PDE3B: variants seen among roughly 807,000 people sequenced by gnomAD.
PDE3B encodes the protein phosphodiesterase 3B.
In PDE3B, 66 loss-of-function variants were observed where a neutral mutation model predicts 116.8. That is an observed-to-expected ratio of 0.56 (90% CI 0.46 to 0.69). The LOEUF (loss-of-function observed/expected upper bound fraction) is 0.69, where lower values mean the gene tolerates loss of function less well. PDE3B is among the 30% of genes least tolerant of loss of function. The pLI is 0.00. For synonymous variants in PDE3B, 595 were observed against 533.6 expected (o/e 1.12, Z -1.59); for missense variants, 1,384 against 1,368.1 (o/e 1.01, Z -0.18).
At chr11:14,810,932 T>C (rs1350081803) in intron 5 of PDE3B, among the ~76,000 whole-genome samples, 17 of 149,554 alleles carry the variant, frequency 1.1e-4, no homozygotes, top group Non-Finnish European at 2.5e-4. Flanking sequence ...TGATGAGCAT[T>C]TTTTCATGTG....
chr11:14,873,346 T>C (rs144943121), downstream of PDE3B, among the ~76,000 whole-genome samples: 330 of 152,306 alleles, frequency 2.2e-3, 1 homozygote, highest in African/African-American at 7.4e-3. Context: ...AACTAATTTG[T>C]TGTTAATTTT....
chr11:14,696,415 A>G (rs1318442456), intron 1 of PDE3B, among the ~76,000 whole-genome samples: 1 of 152,154 alleles, frequency 6.6e-6, no homozygotes, highest in Non-Finnish European at 1.5e-5. Context: ...ACCCAAAAGC[A>G]TTAGGTGAGA....
intron 4 of PDE3B, among the ~76,000 whole-genome samples, chr11:14,794,600 C>T (rs551059615): frequency 6.6e-6 from 1 of 152,332 alleles, no homozygotes. Context: ...AGGCATGAGA[C>T]ACCATGCCCA....
intron 2 of PDE3B, among the ~76,000 whole-genome samples, chr11:14,782,645 A>G (rs1052769106): frequency 3.9e-5 from 6 of 152,182 alleles, no homozygotes; most frequent in Non-Finnish European, 5.9e-5. Flanking sequence ...TAGACCTAAA[A>G]CCGTAAAAAC....
intron 5 of PDE3B, among the ~76,000 whole-genome samples, chr11:14,804,545 A>C (rs1433846779): frequency 6.6e-6 from 1 of 152,142 alleles, no homozygotes; most frequent in South Asian, 2.1e-4. Flanking sequence ...TAGCAAAGCA[A>C]TACTGATATT....
At chr11:14,663,279 G>A (rs1428680616) in intron 1 of PDE3B, among the ~76,000 whole-genome samples, 1 of 152,060 alleles carries the variant, frequency 6.6e-6, no homozygotes, top group South Asian at 2.1e-4. Context: ...GTCACCACCA[G>A]GCCTGCCCTA....
chr11:14,879,246 C>G, the PDE3B span: 11 of 1,613,252 alleles, frequency 6.8e-6, no homozygotes, highest in Non-Finnish European at 7.6e-6. Context: ...TTTGTAATTA[C>G]TGTTGTGCCT....
intron 1 of PDE3B, among the ~76,000 whole-genome samples, chr11:14,721,367 G>A (rs1232169724): frequency 9.9e-5 from 15 of 151,640 alleles, no homozygotes; most frequent in South Asian, 8.4e-4. Context: ...TCAGTGTGGC[G>A]ATTCCTCAGG....
intron 14 of PDE3B, 123 bp from the exon 15 acceptor site, chr11:14,867,383 T>C (rs1848066297): frequency 2.6e-6 from 2 of 762,714 alleles, no homozygotes; most frequent in East Asian, 2.7e-5. Flanking sequence ...TTGATGCTTA[T>C]TCATAAAAAA....
At chr11:14,711,107 A>G (rs1855689556) in intron 1 of PDE3B, among the ~76,000 whole-genome samples, 1 of 152,172 alleles carries the variant, frequency 6.6e-6, no homozygotes, top group Admixed American at 6.5e-5. Flanking sequence ...TAGTGATGCT[A>G]TAGGGATACC....
chr11:14,892,260 T>C, the PDE3B span: 5 of 1,524,126 alleles, frequency 3.3e-6, no homozygotes, highest in East Asian at 2.3e-5. Flanking sequence ...AGGCACTCCC[T>C]CCAGCCCTGC....
At chr11:14,783,479 A>C (rs915477040) in intron 2 of PDE3B, among the ~76,000 whole-genome samples, 1 of 152,154 alleles carries the variant, frequency 6.6e-6, no homozygotes, top group Non-Finnish European at 1.5e-5. Flanking sequence ...TGAAGCTGGA[A>C]ACCATCATTC....
chr11:14,684,200 C>T (rs752653393), intron 1 of PDE3B, among the ~76,000 whole-genome samples: 126 of 152,234 alleles, frequency 8.3e-4, no homozygotes, highest in African/African-American at 2.7e-3. Flanking sequence ...ACCCACCCCC[C>T]GTATTTCAAC....
chr11:14,663,211 C>T (rs1188831879), intron 1 of PDE3B, among the ~76,000 whole-genome samples: 2 of 152,016 alleles, frequency 1.3e-5, no homozygotes, highest in Non-Finnish European at 2.9e-5. Flanking sequence ...CCAAACTAAG[C>T]TTCATAAGTG....
chr11:14,687,173 A>G (rs1035268012), intron 1 of PDE3B, among the ~76,000 whole-genome samples: 5 of 152,326 alleles, frequency 3.3e-5, no homozygotes, highest in South Asian at 4.1e-4. Context: ...AATTTGAACA[A>G]AAGTTAAGAT....
At position 14,643,987 on chromosome 11, in the gene PDE3B, G is replaced by T; in HGVS notation, c.-89G>T. ...CGGGTTGCGAACCAGGGGGCGCCCC[G>T]AACGCGGGGGTTGGGGTCTGGGAGC... On this transcript the variant is annotated 5_prime_UTR_variant, in exon 1 of 16. Coordinates refer to ENST00000282096, the MANE Select transcript of PDE3B (RefSeq NM_000922.4). 1 of 1,375,266 alleles carries T rather than the reference G, an allele frequency of 7.3e-7. No homozygotes were observed. Among genetic ancestry groups the T allele is most frequent in the South Asian group, 1.7e-5 (1 of 59,760 alleles). 85.2% of individuals were successfully genotyped at this position (1,375,266 alleles called of 1,614,324 possible). A position where few individuals can be genotyped will look rare whatever the true frequency, so the allele number is the denominator to read the frequency against.
intron 1 of PDE3B, among the ~76,000 whole-genome samples, chr11:14,671,396 G>A (rs933230265): frequency 2.0e-5 from 3 of 151,966 alleles, no homozygotes; most frequent in Admixed American, 6.6e-5. Flanking sequence ...CCCTGTGGTG[G>A]GAAAGATCTT....
chr11:14,795,241 C>G (rs2133925100), intron 4 of PDE3B, among the ~76,000 whole-genome samples: 1 of 152,298 alleles, frequency 6.6e-6, no homozygotes, highest in South Asian at 2.1e-4. Context: ...CTAGAAGCTG[C>G]CAGCCATCAG....
chr11:14,754,559 A>G (rs559595668), intron 1 of PDE3B, among the ~76,000 whole-genome samples: 1 of 152,242 alleles, frequency 6.6e-6, no homozygotes, highest in Non-Finnish European at 1.5e-5. Flanking sequence ...GCATTCCTCA[A>G]TTTATCTATT....
Sources: allele counts gnomAD v4.1 joint callset (sites outside exome capture counted in the v4.1 genomes callset), GRCh38; gene constraint gnomAD v4.1.1; transcripts MANE v1.5; gene names NCBI Gene and HGNC (gene_info 2026-07-23, HGNC 2026-07-21).